Variants in FHIT observed in about 807,000 individuals in gnomAD.
The protein encoded by FHIT is fragile histidine triad diadenosine triphosphatase.
Under a neutral mutation model 17.9 loss-of-function variants are expected in FHIT, and 19 were observed. The ratio of observed to expected loss-of-function variants is 1.06; its 90% CI spans 0.74 to 1.56. FHIT has a LOEUF of 1.56. Ranked by LOEUF, FHIT falls within the 40% of genes most tolerant of loss-of-function variation. The probability of loss-of-function intolerance (pLI) is 0.00; values close to 1 mark genes in which losing one functional copy is unlikely to be tolerated. For synonymous variants in FHIT, 81 were observed against 69.7 expected, an observed-to-expected ratio of 1.16 and a Z score of -0.81; for missense variants, 248 against 189.2, an observed-to-expected ratio of 1.31 and a Z score of -1.82.
At chr3:60,308,594 G>A (rs1043808620) in intron 5 of FHIT, among the ~76,000 whole-genome samples, 1 of 151,284 alleles carries the variant, frequency 6.6e-6, no homozygotes, top group Non-Finnish European at 1.5e-5. Context: ...CAATTAGTGA[G>A]CTGAACAAAA....
intron 8 of FHIT, among the ~76,000 whole-genome samples, chr3:59,854,309 G>A (rs1702063639): frequency 6.6e-6 from 1 of 152,124 alleles, no homozygotes; most frequent in Admixed American, 6.6e-5. Context: ...ATTTATATCT[G>A]CCACACGTGT....
At chr3:60,293,476 G>A (rs903857336) in intron 5 of FHIT, among the ~76,000 whole-genome samples, 4 of 152,070 alleles carry the variant, frequency 2.6e-5, no homozygotes, top group Non-Finnish European at 4.4e-5. Context: ...ATACTTTATC[G>A]ACCTTCTCTG....
chr3:60,458,219 G>C (rs1316372608), intron 5 of FHIT, among the ~76,000 whole-genome samples: 2 of 152,112 alleles, frequency 1.3e-5, no homozygotes, highest in Non-Finnish European at 2.9e-5. Context: ...TTAAGAAAAT[G>C]TGGCACATAT....
chr3:60,565,818 G>T (rs1351395347), intron 4 of FHIT, among the ~76,000 whole-genome samples: 1 of 152,030 alleles, frequency 6.6e-6, no homozygotes, highest in Admixed American at 6.6e-5. Flanking sequence ...GAATGTGTTT[G>T]CTCTTGCTTC....
rs185902136 is a variant in FHIT, at chr3:60,570,878, C to T, written c.-17-33899G>A. ...ATGAAAAAAAAATAGTGCACTAGTT[C>T]CAAAGTTCCCAGAACACTTAGGGGC... On this transcript the variant is annotated intron_variant, in intron 4 of 9. Transcript: ENST00000492590. Among the ~76,000 whole-genome samples the T allele has an allele frequency of 2.5e-3, 376 of 152,004 alleles. 6 individuals carry two copies. The highest frequency in any genetic ancestry group is 8.4e-3 in the African/African-American group (350 of 41,456).
chr3:60,110,114 C>T (rs1182434510), intron 5 of FHIT, among the ~76,000 whole-genome samples: 1 of 152,188 alleles, frequency 6.6e-6, no homozygotes, highest in African/African-American at 2.4e-5. Context: ...CAATCTTCTT[C>T]ATCACTCTAT....
intron 8 of FHIT, among the ~76,000 whole-genome samples, chr3:59,813,346 T>C (rs1048423516): frequency 6.6e-6 from 1 of 152,208 alleles, no homozygotes; most frequent in African/African-American, 2.4e-5. Context: ...CTTGGAAATG[T>C]GTGGCTTCTG....
rs950636191 is a variant in FHIT, at chr3:61,085,281, A to T, written c.-163-43182T>A. On this transcript the variant is annotated intron_variant, in intron 2 of 9. Coordinates refer to ENST00000492590, the MANE Select transcript of FHIT (RefSeq NM_002012.4). ...CCTAATAGCTTTATTTAAAGGTTAC[A>T]GTTTCTCCATATCTTCACCAGCACT... Among the ~76,000 whole-genome samples, 9 of 152,126 alleles carry T rather than the reference A, an allele frequency of 5.9e-5. 1 individual carries two copies. The highest frequency in any genetic ancestry group is 4.4e-5 in the Non-Finnish European group (3 of 67,988).
At chr3:60,249,223 T>C (rs1012707103) in intron 5 of FHIT, among the ~76,000 whole-genome samples, 4 of 152,172 alleles carry the variant, frequency 2.6e-5, no homozygotes, top group Non-Finnish European at 4.4e-5. Flanking sequence ...CGTTTTTCTA[T>C]TCTTGAAACT....
rs550252072 is a variant in FHIT at position 59,813,018 on chromosome 3, A to G, written c.349-60697T>C. Among the ~76,000 whole-genome samples the G allele has an allele frequency of 1.1e-3, 171 of 152,266 alleles. 1 individual carries two copies. The highest frequency in any genetic ancestry group is 4.0e-3 in the African/African-American group (165 of 41,554). ...TAAGTCCTAATCACGCTTGCAAGCC[A>G]TATCTTTTCTGTGAGTTGTTATAGT... On this transcript the variant is annotated intron_variant, in intron 8 of 9. Transcript: ENST00000492590.
At chr3:60,407,818 A>T (rs1701927780) in intron 5 of FHIT, among the ~76,000 whole-genome samples, 1 of 152,140 alleles carries the variant, frequency 6.6e-6, no homozygotes, top group Admixed American at 6.6e-5. Flanking sequence ...CACCTGACCC[A>T]AATGTACATA....
chr3:60,482,255 T>C (rs1488444019), intron 5 of FHIT, among the ~76,000 whole-genome samples: 2 of 152,112 alleles, frequency 1.3e-5, no homozygotes, highest in Non-Finnish European at 2.9e-5. Flanking sequence ...CTGTTAATAT[T>C]AGATCAACAA....
intron 3 of FHIT, among the ~76,000 whole-genome samples, chr3:61,004,273 T>G (rs2031296194): frequency 6.6e-6 from 1 of 152,086 alleles, no homozygotes; most frequent in South Asian, 2.1e-4. Flanking sequence ...CCCAATCAAC[T>G]CTACCAGTAT....
rs1553689344 is a variant in FHIT at position 60,655,515 on chromosome 3, GAC to G, written c.-17-118538_-17-118537del. Reference sequence around the variant, plus strand: ...GAGCAAATGCAGTGTACGGAAATGAGACACATCATTTTATCTCGACAGAACAA... The same window carrying G: ...GAGCAAATGCAGTGTACGGAAATGAGACATCATTTTATCTCGACAGAACAA... On this transcript the variant is annotated intron_variant, in intron 4 of 9. Transcript: ENST00000492590. 2.0e-5 allele frequency among the ~76,000 whole-genome samples: 3 copies of G among 152,144 alleles called. No individual in the cohort carries two copies. In the South Asian group the frequency reaches 6.2e-4, roughly 32 times the overall value.
chr3:60,630,658 G>T (rs2039414043), intron 4 of FHIT, among the ~76,000 whole-genome samples: 1 of 152,034 alleles, frequency 6.6e-6, no homozygotes, highest in Non-Finnish European at 1.5e-5. Flanking sequence ...CTGAGACTCT[G>T]CCAGGCCCCT....
intron 5 of FHIT, among the ~76,000 whole-genome samples, chr3:60,204,263 TTTTA>T (rs569724279): frequency 1.1e-3 from 167 of 151,932 alleles, no homozygotes; most frequent in African/African-American, 3.9e-3. Context: ...TGGAGAGGTA[TTTTA>T]TTTATTTTAT....
intron 4 of FHIT, among the ~76,000 whole-genome samples, chr3:60,684,643 G>C (rs1208261167): frequency 2.6e-5 from 4 of 151,960 alleles, no homozygotes; most frequent in Admixed American, 2.0e-4. Context: ...TTCAAGAGCT[G>C]TGCCACCCCT....
intron 2 of FHIT, among the ~76,000 whole-genome samples, chr3:61,110,878 G>T (rs1199831085): frequency 1.3e-5 from 2 of 152,100 alleles, no homozygotes; most frequent in Non-Finnish European, 2.9e-5. Context: ...TCAAGTGCTG[G>T]ATTTGCTCAG....
At chr3:60,200,983 G>T (rs1159231770) in intron 5 of FHIT, among the ~76,000 whole-genome samples, 1 of 152,048 alleles carries the variant, frequency 6.6e-6, no homozygotes, top group African/African-American at 2.4e-5. Flanking sequence ...AAAATAAAAT[G>T]GTCCCTGTCT....
Sources: allele counts gnomAD v4.1 joint callset (sites outside exome capture counted in the v4.1 genomes callset), GRCh38; gene constraint gnomAD v4.1.1; transcripts MANE v1.5; gene names NCBI Gene and HGNC (gene_info 2026-07-23, HGNC 2026-07-21).